The following USP8 variants were observed in gnomAD, a reference collection of about 807,000 sequenced individuals.
USP8 encodes ubiquitin specific peptidase 8.
A neutral mutation model predicts 130.0 loss-of-function variants in USP8; 27 were observed. The ratio of observed to expected loss-of-function variants is 0.21; its 90% confidence interval spans 0.15 to 0.29. USP8 has a LOEUF of 0.29. USP8 is among the 10% of genes least tolerant of loss of function. The pLI, the probability that USP8 is intolerant of heterozygous loss-of-function variation, is 1.00. For missense variants in USP8, 1,029 were observed against 1,312.2 expected (o/e 0.78, Z 3.33); for synonymous variants, 392 against 444.1 (o/e 0.88, Z 1.48).
At chr15:50,496,186 A>T in intron 17 of USP8, 102 bp downstream of exon 17, 1 of 1,037,552 alleles carries the variant, frequency 9.6e-7, no homozygotes, top group Non-Finnish European at 1.4e-6. Flanking sequence ...CAAACATTTT[A>T]TCAGTAAAAC....
chr15:50,465,829 G>T (rs1407080742), intron 7 of USP8, among the ~76,000 whole-genome samples: 1 of 152,126 alleles, frequency 6.6e-6, no homozygotes, highest in Non-Finnish European at 1.5e-5. Flanking sequence ...TCACTTACTA[G>T]TTGCATTATT....
intron 3 of USP8, 44 bp from the exon 4 acceptor site, chr15:50,449,356 A>G (rs550011040): frequency 2.3e-5 from 31 of 1,322,126 alleles, no homozygotes; most frequent in Admixed American, 2.0e-4. Flanking sequence ...GTCACATGCA[A>G]TGCCGAGAAC....
intron 1 of USP8, among the ~76,000 whole-genome samples, chr15:50,428,982 GT>G (rs2049839133): frequency 6.6e-6 from 1 of 152,316 alleles, no homozygotes; most frequent in Middle Eastern, 3.4e-3. Flanking sequence ...TAACAGGCAG[GT>G]AGCATCTACA....
rs917192564 is a variant in USP8, at chr15:50,499,830, A to G, written c.*742A>G. On this transcript the variant is annotated 3_prime_UTR_variant, in exon 20 of 20. Coordinates refer to ENST00000307179, the MANE Select transcript of USP8 (RefSeq NM_005154.5). The stretch of plus-strand genomic sequence containing the variant: ...AATATTGTATTATCAAATATAGGAC[A>G]GTAAAACCATAGATTTTATATACAC... The G allele has an allele frequency of 9.2e-5, 14 of 152,190 alleles. No individual in the cohort carries two copies. Among genetic ancestry groups the G allele is most frequent in the Non-Finnish European group, 5.9e-5 (4 of 68,028 alleles). The allele number at this position is 152,190 out of a possible 1,614,324, so 9.4% of individuals were successfully genotyped here.
chr15:50,431,619 G>C (rs543620447), intron 1 of USP8, among the ~76,000 whole-genome samples: 2 of 152,030 alleles, frequency 1.3e-5, no homozygotes, highest in Non-Finnish European at 1.5e-5. Flanking sequence ...CCCTCTATCC[G>C]ATTGATTATT....
rs983832077 is a variant in USP8 at position 50,499,752 on chromosome 15, A to G, written c.*664A>G. ...AAACGAGAATTTCATTTACAGCTAC[A>G]TTAAAATCTTAATGAGAAAAATAAT... On this transcript the variant is annotated 3_prime_UTR_variant, in exon 20 of 20. Transcript: ENST00000307179. The G allele has an allele frequency of 3.9e-5, 6 of 152,178 alleles. No homozygotes were observed. Among genetic ancestry groups the G allele is most frequent in the African/African-American group, 9.6e-5 (4 of 41,468 alleles). 9.4% of individuals were successfully genotyped at this position (152,178 alleles called of 1,614,324 possible).
chr15:50,479,166 A>G (rs1451040569), intron 10 of USP8, among the ~76,000 whole-genome samples: 3 of 152,236 alleles, frequency 2.0e-5, no homozygotes, highest in South Asian at 4.1e-4. Flanking sequence ...CATAAGGCAG[A>G]ATATCATAAT....
chr15:50,434,703 A>G (rs557391497), intron 1 of USP8, among the ~76,000 whole-genome samples: 2 of 151,694 alleles, frequency 1.3e-5, no homozygotes, highest in South Asian at 4.2e-4. Context: ...TGCAACCTCC[A>G]CCTCCTGGGT....
In USP8 at chr15:50,497,078, T is replaced by A. The variant is rs759038915; in HGVS notation, c.2896-11T>A. On this transcript the variant is annotated splice_polypyrimidine_tract_variant and intron_variant, in intron 17 of 19. Coordinates refer to ENST00000307179, the MANE Select transcript of USP8 (RefSeq NM_005154.5). ...ATTAACGAGTATCTGCTACTTGTTT[T>A]TTTCTGCCAGGATTGCCTTAGATTA... 6 of 1,586,100 alleles carry A rather than the reference T, an allele frequency of 3.8e-6. No homozygotes were observed. The African/African-American group carries it at 8.2e-5, about 22-fold the overall frequency.
Position 50,512,061 on chromosome 15 carries a change from T to A in USP8, c.*12973T>A, listed in dbSNP as rs1421275386. The A allele has an allele frequency of 6.6e-6, 1 of 151,758 alleles. No individual in the cohort carries two copies. The highest frequency in any genetic ancestry group is 2.4e-5 in the African/African-American group (1 of 41,278). 9.4% of individuals were successfully genotyped at this position (151,758 alleles called of 1,614,324 possible). On this transcript the variant is annotated 3_prime_UTR_variant, in exon 20 of 20. Transcript: ENST00000307179. ...GGCACATCTATAGAAATATATAAAG[T>A]AGAGGCCAGGAGAAGTGGTTCATGC...
Position 50,498,889 on chromosome 15 carries a change from CTTG to C in USP8, c.3172-11_3172-9del. ...TAACTGAATTGATTTTTTTTTCTAT[CTTG>C]TTTGGCACAGAATCACTACGGTGGG... On this transcript the variant is annotated splice_polypyrimidine_tract_variant and intron_variant, in intron 19 of 19. Coordinates refer to ENST00000307179, the MANE Select transcript of USP8 (RefSeq NM_005154.5). 1 of 1,567,880 alleles carries C rather than the reference CTTG, an allele frequency of 6.4e-7. No homozygotes were observed. Among genetic ancestry groups the C allele is most frequent in the Non-Finnish European group, 8.6e-7 (1 of 1,159,356 alleles).
At chr15:50,477,027 T>C in intron 9 of USP8, 34 bp downstream of exon 9, 2 of 1,594,484 alleles carry the variant, frequency 1.3e-6, no homozygotes, top group Non-Finnish European at 1.7e-6. Flanking sequence ...TAAAATTGCT[T>C]TGGTAAAATA....
intron 4 of USP8, among the ~76,000 whole-genome samples, chr15:50,451,226 G>A (rs1362360177): frequency 6.6e-6 from 1 of 152,160 alleles, no homozygotes; most frequent in Non-Finnish European, 1.5e-5. Context: ...TGGCCAACAT[G>A]GTAAAGCCCC....
chr15:50,430,105 T>C (rs1241157095), intron 1 of USP8, among the ~76,000 whole-genome samples: 3 of 152,154 alleles, frequency 2.0e-5, no homozygotes, highest in Admixed American at 2.0e-4. Context: ...GGCAGAAACT[T>C]TATTAAGAGT....
At chr15:50,496,966 A>G in intron 17 of USP8, 123 bp from the exon 18 acceptor site, 1 of 1,264,690 alleles carries the variant, frequency 7.9e-7, no homozygotes, top group Non-Finnish European at 1.1e-6. Context: ...GAAGGCAGGA[A>G]CTCTTTTGTG....
chr15:50,432,622 G>A (rs559507901), intron 1 of USP8: 2 of 152,342 alleles, frequency 1.3e-5, no homozygotes, highest in African/African-American at 4.8e-5. Context: ...TTGCTGTAGT[G>A]TGAGACTTTC....
chr15:50,471,544 A>C, intron 7 of USP8, 89 bp from the exon 8 acceptor site: 1 of 1,444,498 alleles, frequency 6.9e-7, no homozygotes, highest in Non-Finnish European at 9.3e-7. Flanking sequence ...GGTGTGGTAA[A>C]GACTGTGGAA....
At chr15:50,438,312 G>A (rs968885922) in intron 1 of USP8, among the ~76,000 whole-genome samples, 1 of 152,210 alleles carries the variant, frequency 6.6e-6, no homozygotes, top group Non-Finnish European at 1.5e-5. Context: ...AGCCAGACGT[G>A]GTGGCTTACG....
chr15:50,443,948 C>T (rs2050338670), intron 3 of USP8, among the ~76,000 whole-genome samples: 1 of 152,138 alleles, frequency 6.6e-6, no homozygotes, highest in Non-Finnish European at 1.5e-5. Context: ...TAAATTCAAA[C>T]AAGTTTTTGC....
Sources: allele counts gnomAD v4.1 joint callset (sites outside exome capture counted in the v4.1 genomes callset), GRCh38; gene constraint gnomAD v4.1.1; transcripts MANE v1.5; gene names NCBI Gene and HGNC (gene_info 2026-07-23, HGNC 2026-07-21).